The following AUTS2 variants were observed in gnomAD, a reference collection of about 807,000 sequenced individuals.
AUTS2 encodes autism susceptibility gene 2 protein.
A neutral mutation model predicts 112.4 loss-of-function variants in AUTS2; 17 were observed. That is an observed-to-expected ratio of 0.15 (90% CI 0.10 to 0.23). The LOEUF (loss-of-function observed/expected upper bound fraction) is 0.23. Ranked by LOEUF, AUTS2 falls within the 10% of genes least tolerant of loss-of-function variation. The probability of loss-of-function intolerance (pLI) is 1.00; values close to 1 mark genes in which losing one functional copy is unlikely to be tolerated. For synonymous variants in AUTS2, 751 were observed against 702.7 expected (o/e 1.07, Z -1.09); for missense variants, 1,510 against 1,701.6 (o/e 0.89, Z 1.98).
At chr7:69,850,060 C>T (rs1045424194) in intron 1 of AUTS2, among the ~76,000 whole-genome samples, 5 of 151,830 alleles carry the variant, frequency 3.3e-5, no homozygotes, top group East Asian at 3.9e-4. Context: ...TTTGGGAGGC[C>T]GAGGCGGGTG....
chr7:70,302,671 T>G (rs943715324), intron 4 of AUTS2, among the ~76,000 whole-genome samples: 10 of 151,942 alleles, frequency 6.6e-5, no homozygotes, highest in African/African-American at 2.4e-4. Context: ...CTTGCATTAG[T>G]GTGTTGGTTA....
chr7:70,118,003 C>T (rs1256930269), intron 2 of AUTS2, 129 bp from the exon 3 acceptor site: 1 of 1,170,970 alleles, frequency 8.5e-7, no homozygotes. Context: ...CTACCTCTGC[C>T]TCCGAAAGTG....
At chr7:70,098,683 G>C in intron 2 of AUTS2, among the ~76,000 whole-genome samples, 2 of 151,486 alleles carry the variant, frequency 1.3e-5, no homozygotes, top group East Asian at 3.9e-4. Context: ...TGTAAATCCA[G>C]AAGTTTTAAA....
chr7:70,194,200 A>G (rs1462647257), intron 4 of AUTS2, among the ~76,000 whole-genome samples: 1 of 151,430 alleles, frequency 6.6e-6, no homozygotes, highest in Non-Finnish European at 1.5e-5. Context: ...TCTTTAGGTC[A>G]GGCATTTGAG....
At chr7:69,872,834 C>CTTTTTTTTTTTTTTTTTTTTTTTTTTTTT (rs1164356683) in intron 1 of AUTS2, among the ~76,000 whole-genome samples, 3 of 70,422 alleles carry the variant, frequency 4.3e-5, no homozygotes, top group African/African-American at 1.9e-4. Context: ...AGCCTATATT[C>CTTTTTTTTTTTTTTTTTTTTTTTTTTTTT]TTTTTTTTTT....
chr7:70,193,679 T>C (rs938121195), intron 4 of AUTS2, among the ~76,000 whole-genome samples: 4 of 152,204 alleles, frequency 2.6e-5, no homozygotes, highest in Non-Finnish European at 5.9e-5. Flanking sequence ...TAAAGAAATG[T>C]TAATCCCTGT....
intron 5 of AUTS2, among the ~76,000 whole-genome samples, chr7:70,616,830 T>C (rs2129535606): frequency 6.9e-6 from 1 of 145,274 alleles, no homozygotes; most frequent in South Asian, 2.2e-4. Context: ...AGAGAGGGAA[T>C]GATGGCACTA....
intron 6 of AUTS2, among the ~76,000 whole-genome samples, chr7:70,750,973 A>G (rs1365353588): frequency 6.6e-6 from 1 of 152,164 alleles, no homozygotes; most frequent in Non-Finnish European, 1.5e-5. Context: ...GCCAACCTTA[A>G]TGGGCACACT....
intron 1 of AUTS2, among the ~76,000 whole-genome samples, chr7:69,777,107 G>A (rs1280907330): frequency 6.6e-6 from 1 of 152,176 alleles, no homozygotes; most frequent in Non-Finnish European, 1.5e-5. Context: ...GTATCTCAAG[G>A]GAACTTTAGA....
intron 2 of AUTS2, among the ~76,000 whole-genome samples, chr7:70,069,708 G>GTTT (rs5884773): frequency 2.9e-4 from 40 of 139,412 alleles, no homozygotes; most frequent in Non-Finnish European, 4.8e-4. Flanking sequence ...GGTTTTTTTT[G>GTTT]TTTTTTTTTT....
chr7:70,240,867 C>T (rs929425556), intron 4 of AUTS2, among the ~76,000 whole-genome samples: 9 of 152,178 alleles, frequency 5.9e-5, no homozygotes, highest in Admixed American at 5.2e-4. Context: ...CTCACCACCA[C>T]AAGTCAGAAA....
chr7:70,160,342 C>G (rs1808007772), intron 4 of AUTS2, among the ~76,000 whole-genome samples: 1 of 152,160 alleles, frequency 6.6e-6, no homozygotes, highest in Non-Finnish European at 1.5e-5. Flanking sequence ...GTGAATGATG[C>G]TAGATCTTCC....
chr7:70,746,760 C>A (rs1788481052), intron 6 of AUTS2, among the ~76,000 whole-genome samples: 1 of 152,092 alleles, frequency 6.6e-6, no homozygotes, highest in Non-Finnish European at 1.5e-5. Flanking sequence ...GGGATTCTGT[C>A]TGTGATGAGA....
At chr7:69,794,636 T>C (rs920055930) in intron 1 of AUTS2, among the ~76,000 whole-genome samples, 1 of 152,184 alleles carries the variant, frequency 6.6e-6, no homozygotes, top group Non-Finnish European at 1.5e-5. Flanking sequence ...TATTCATTTG[T>C]CTACTTGGTA....
chr7:70,533,926 G>A (rs559552117), intron 5 of AUTS2, among the ~76,000 whole-genome samples: 1 of 152,282 alleles, frequency 6.6e-6, no homozygotes, highest in South Asian at 2.1e-4. Context: ...GTACAGTCAG[G>A]GAACCCTTGT....
intron 4 of AUTS2, among the ~76,000 whole-genome samples, chr7:70,362,249 G>C (rs996742568): frequency 6.6e-6 from 1 of 152,158 alleles, no homozygotes; most frequent in African/African-American, 2.4e-5. Context: ...CCGGCATGGG[G>C]AGTGAACCTA....
At chr7:70,681,686 T>C (rs1808219958) in intron 5 of AUTS2, among the ~76,000 whole-genome samples, 1 of 152,076 alleles carries the variant, frequency 6.6e-6, no homozygotes, top group Non-Finnish European at 1.5e-5. Context: ...CAGAGAAAGC[T>C]GAGGAAGTGT....
At chr7:70,055,891 G>A (rs1004156574) in intron 2 of AUTS2, among the ~76,000 whole-genome samples, 1 of 151,886 alleles carries the variant, frequency 6.6e-6, no homozygotes, top group African/African-American at 2.4e-5. Context: ...TCTTGCTCTT[G>A]GTCAGGCAGG....
chr7:70,566,294 T>C (rs1172989526), intron 5 of AUTS2, among the ~76,000 whole-genome samples: 2 of 152,224 alleles, frequency 1.3e-5, no homozygotes, highest in African/African-American at 2.4e-5. Context: ...ATTTACATTG[T>C]ATTTCAATTT....
Sources: allele counts gnomAD v4.1 joint callset (sites outside exome capture counted in the v4.1 genomes callset), GRCh38; gene constraint gnomAD v4.1.1; transcripts MANE v1.5; gene names NCBI Gene and HGNC (gene_info 2026-07-23, HGNC 2026-07-21).